MPP4: variants seen among roughly 807,000 people sequenced by gnomAD.
The protein encoded by MPP4 is MAGUK p55 scaffold protein 4.
A neutral mutation model predicts 98.3 loss-of-function variants in MPP4; 91 were observed. The ratio of observed to expected loss-of-function variants is 0.93; its 90% CI spans 0.78 to 1.10. MPP4 has a LOEUF of 1.10. MPP4 is among the 50% of genes least tolerant of loss of function. The probability of loss-of-function intolerance (pLI) is 0.00; values close to 1 mark genes in which losing one functional copy is unlikely to be tolerated. For missense variants in MPP4, 744 were observed against 792.9 expected (o/e 0.94, Z 0.74); for synonymous variants, 261 against 271.8 (o/e 0.96, Z 0.39).
At chr2:201,676,075 T>C (rs1688500821) in intron 10 of MPP4, among the ~76,000 whole-genome samples, 1 of 152,212 alleles carries the variant, frequency 6.6e-6, no homozygotes, top group African/African-American at 2.4e-5. Flanking sequence ...CAAGCTCTAA[T>C]TTAATCTCTC....
intron 11 of MPP4, among the ~76,000 whole-genome samples, chr2:201,670,259 A>G (rs1462904239): frequency 6.6e-6 from 1 of 152,222 alleles, no homozygotes; most frequent in African/African-American, 2.4e-5. Flanking sequence ...CTTTGGACTC[A>G]GTAGCCTGCC....
rs143847113 is a variant in MPP4 at position 201,649,929 on chromosome 2, G to T, written c.1475+143C>A. ...TCTAAACCCAGTGAGTTGGTGTGCT[G>T]TATATCGATGTACATTTCTTGCTTA... On this transcript the variant is annotated intron_variant, in intron 19 of 21. Transcript: ENST00000409474. 3.8e-4 allele frequency: 319 copies of T among 840,042 alleles called. 2 individuals are homozygous for T. The East Asian group carries it at 8.4e-3, about 22-fold the overall frequency. The allele number at this position is 840,042 out of a possible 1,614,324, so 52.0% of individuals were successfully genotyped here.
At chr2:201,666,773 C>T (rs769318962) in intron 12 of MPP4, 1 of 151,548 alleles carries the variant, frequency 6.6e-6, no homozygotes, top group Non-Finnish European at 1.5e-5. Context: ...AAAAAAATTC[C>T]CTATGTATGT....
chr2:201,655,887 C>T (rs1687832566), intron 17 of MPP4, among the ~76,000 whole-genome samples: 1 of 152,058 alleles, frequency 6.6e-6, no homozygotes, highest in Admixed American at 6.6e-5. Context: ...TGGGGAAACA[C>T]TCATCTATGT....
intron 3 of MPP4, among the ~76,000 whole-genome samples, chr2:201,692,173 T>C (rs1317916200): frequency 1.3e-5 from 2 of 152,216 alleles, no homozygotes; most frequent in East Asian, 3.8e-4. Context: ...TTCCTACCAG[T>C]TGATAAATGA....
chr2:201,672,393 A>G (rs763337965), intron 11 of MPP4, among the ~76,000 whole-genome samples: 4 of 152,212 alleles, frequency 2.6e-5, no homozygotes, highest in Non-Finnish European at 5.9e-5. Flanking sequence ...GAAATAACTA[A>G]GATCAGAGCA....
At chr2:201,695,434 T>C (rs927058292) in intron 1 of MPP4, among the ~76,000 whole-genome samples, 6 of 152,228 alleles carry the variant, frequency 3.9e-5, no homozygotes, top group Non-Finnish European at 8.8e-5. Context: ...CCTGTAGTTA[T>C]CTGAATCCAG....
rs1028632318 is a variant in MPP4, at chr2:201,673,950, G to C, written c.994+1257C>G. ...GCCCACCTGAGGGCCATTTCAGAAG[G>C]GCCTCGCTCAGTAGGCTCAGCTGGC... On this transcript the variant is annotated intron_variant, in intron 11 of 21. Transcript: ENST00000409474. Among the ~76,000 whole-genome samples the C allele has an allele frequency of 6.6e-5, 10 of 152,140 alleles. No homozygotes were observed. The East Asian group carries it at 1.7e-3, about 26-fold the overall frequency.
In MPP4 at chr2:201,680,945, GT is replaced by G. The variant is rs778816597; in HGVS notation, c.821del (p.Asp274AlafsTer35). 4 of 1,613,926 alleles carry G rather than the reference GT, an allele frequency of 2.5e-6. No individual in the cohort carries two copies. On this transcript the variant is annotated frameshift_variant, in exon 10 of 22. Coordinates refer to ENST00000409474, the MANE Select transcript of MPP4 (RefSeq NM_033066.3). LOFTEE classifies it high-confidence loss of function. The stretch of plus-strand genomic sequence containing the variant: ...CATTCTGGTCCACAATCTGGAGGAT[GT>G]CCCCCTTCTGGAAAGGCAATCCAGC... Reference protein sequence around the residue: ...MDAGLPFQKGDILQIVDQNDA... With the variant: ...MDAGLPFQKGXILQIVDQNDA...
At position 201,651,596 on chromosome 2, in the gene MPP4, C is replaced by T. The variant is rs951996697; in HGVS notation, c.1382-1431G>A. 3.5e-5 allele frequency: 34 copies of T among 984,334 alleles called. No homozygotes were observed. In the East Asian group the frequency reaches 6.8e-4, roughly 20 times the overall value. The allele number at this position is 984,334 out of a possible 1,614,324, so 61.0% of individuals were successfully genotyped here. A position where few individuals can be genotyped will look rare whatever the true frequency, so the allele number is the denominator to read the frequency against. ...CTCACTTTGAATGATTAAAAATCTA[C>T]GTTGATATTCTTAAAATTCTTCTAT... On this transcript the variant is annotated intron_variant, in intron 18 of 21. Transcript: ENST00000409474.
At position 201,680,864 on chromosome 2, in the gene MPP4, A is replaced by G; in HGVS notation, c.903T>C (p.Leu301=). Residue 301 remains leucine, a synonymous_variant, in exon 10 of 22, where the codon CTT becomes CTC. Transcript: ENST00000409474. ...KISDPATCAG[L]VPSNHLLKRK... is the part of the protein sequence containing the mutation. ...TCTTCAGAAGGTGGTTAGAAGGGAC[A>G]AGCCCAGCGCAGGTAGCAGGGTCTG... 1.2e-6 allele frequency: 2 copies of G among 1,613,424 alleles called. No individual in the cohort carries two copies. Among genetic ancestry groups the G allele is most frequent in the Non-Finnish European group, 1.7e-6 (2 of 1,179,672 alleles).
chr2:201,668,502 TCTCTCC>T (rs1337084185), intron 12 of MPP4, among the ~76,000 whole-genome samples: 21 of 151,600 alleles, frequency 1.4e-4, no homozygotes, highest in South Asian at 4.2e-4. Flanking sequence ...CTCTTCTTTC[TCTCTCC>T]CTCTCCCTCT....
intron 16 of MPP4, among the ~76,000 whole-genome samples, chr2:201,656,810 C>T (rs1239332984): frequency 6.6e-6 from 1 of 152,204 alleles, no homozygotes; most frequent in East Asian, 1.9e-4. Flanking sequence ...CAGGGAGCCA[C>T]ATCAGGAAGC....
At chr2:201,659,178 T>A (rs1197888401) in intron 15 of MPP4, among the ~76,000 whole-genome samples, 1 of 151,352 alleles carries the variant, frequency 6.6e-6, no homozygotes, top group Non-Finnish European at 1.5e-5. Context: ...TTACAGGGAT[T>A]ACGCCCGGCC....
At chr2:201,666,886 G>A (rs181004529) in intron 12 of MPP4, among the ~76,000 whole-genome samples, 393 of 152,104 alleles carry the variant, frequency 2.6e-3, no homozygotes, top group African/African-American at 8.4e-3. Context: ...GATAAAAAGG[G>A]CTCTCCTATA....
At position 201,681,549 on chromosome 2, in the gene MPP4, T is replaced by C; in HGVS notation, c.679A>G (p.Ile227Val). The change falls in exon 9 of 22, where the codon ATC (isoleucine) becomes GTC (valine). Residue 227 changes from isoleucine to valine, a missense_variant. Ile to Val is a conservative substitution (Grantham distance 29). Transcript: ENST00000409474. ...GAGACTGGAACCACCTTGAACATGA[T>C]TGTGCCTCGAGACATGGCCTGGAAA... ...IHILAMSRGT[I>V]MFKVVPVSDP... 5 of 1,613,644 alleles carry C rather than the reference T, an allele frequency of 3.1e-6. No individual in the cohort carries two copies. The highest frequency in any genetic ancestry group is 2.2e-5 in the East Asian group (1 of 44,856).
chr2:201,656,867 G>A (rs889776886), intron 16 of MPP4, among the ~76,000 whole-genome samples: 3 of 152,176 alleles, frequency 2.0e-5, no homozygotes, highest in African/African-American at 7.2e-5. Context: ...CAAGTGCAGT[G>A]GTGCAGAGAA....
At chr2:201,674,763 C>T (rs1012639663) in intron 11 of MPP4, among the ~76,000 whole-genome samples, 8 of 152,136 alleles carry the variant, frequency 5.3e-5, no homozygotes, top group East Asian at 1.9e-4. Flanking sequence ...AAGGTGTAGA[C>T]TGTCATAAGA....
rs745569717 is a variant in MPP4, at chr2:201,650,141, T to C, written c.1406A>G (p.Tyr469Cys). The C allele has an allele frequency of 4.4e-6, 7 of 1,575,790 alleles. No homozygotes were observed. The highest frequency in any genetic ancestry group is 2.7e-5 in the African/African-American group (2 of 74,464). Reference protein sequence around the residue: ...VPHTTRTKKSYEMNGREYHYV... With the variant: ...VPHTTRTKKSCEMNGREYHYV... The stretch of plus-strand genomic sequence containing the variant: ...GTGATACTCACGCCCATTCATTTCG[T>C]AACTCTTTTTAGTACGAGTAGTGTC... The change falls in exon 19 of 22, where the codon TAC becomes TGC. Residue 469 changes from tyrosine to cysteine, a missense_variant. By Grantham distance (194) the Tyr-to-Cys change is radical. Transcript: ENST00000409474.
Sources: allele counts gnomAD v4.1 joint callset (sites outside exome capture counted in the v4.1 genomes callset), GRCh38; gene constraint gnomAD v4.1.1; transcripts MANE v1.5; gene names NCBI Gene and HGNC (gene_info 2026-07-23, HGNC 2026-07-21).